Variants in CHN2 observed in about 807,000 individuals in gnomAD.
The protein encoded by CHN2 is chimerin 2, also known as beta-chimaerin.
CHN2 carries 35 observed loss-of-function variants against 56.3 expected under a neutral mutation model. The ratio of observed to expected loss-of-function variants is 0.62; its 90% confidence interval spans 0.47 to 0.82. The LOEUF (loss-of-function observed/expected upper bound fraction) is 0.82, where lower values mean the gene tolerates loss of function less well. CHN2 is among the 40% of genes least tolerant of loss of function. The probability of loss-of-function intolerance (pLI) is 0.00; values close to 1 mark genes in which losing one functional copy is unlikely to be tolerated. For missense variants in CHN2, 491 were observed against 580.5 expected (o/e 0.85, Z 1.58); for synonymous variants, 210 against 212.8 (o/e 0.99, Z 0.12).
At chr7:29,332,463 A>G (rs1410131540) in intron 1 of CHN2, among the ~76,000 whole-genome samples, 1 of 152,110 alleles carries the variant, frequency 6.6e-6, no homozygotes, top group East Asian at 1.9e-4. Context: ...TTCAGTAGGA[A>G]CCGTACTATG....
chr7:29,352,540 G>T (rs1018057164), intron 1 of CHN2, among the ~76,000 whole-genome samples: 30 of 152,022 alleles, frequency 2.0e-4, no homozygotes, highest in Admixed American at 2.0e-3. Context: ...TGGCCAACGC[G>T]GTGAAACTCC....
upstream of CHN2, among the ~76,000 whole-genome samples, chr7:29,190,459 G>A (rs1483914441): frequency 6.6e-6 from 1 of 152,196 alleles, no homozygotes; most frequent in Non-Finnish European, 1.5e-5. Context: ...TGCTATGACA[G>A]CCACGTTCAC....
chr7:29,215,982 T>C (rs910708939), intron 1 of CHN2, among the ~76,000 whole-genome samples: 5 of 152,116 alleles, frequency 3.3e-5, no homozygotes, highest in Non-Finnish European at 5.9e-5. Context: ...CCAGGTGGAG[T>C]TTGTAACTAC....
intron 1 of CHN2, among the ~76,000 whole-genome samples, chr7:29,204,356 T>C (rs888418353): frequency 1.6e-4 from 24 of 152,124 alleles, no homozygotes; most frequent in African/African-American, 5.6e-4. Flanking sequence ...AATAATTCAC[T>C]TGGGATTATG....
chr7:29,212,570 G>A (rs145558046), intron 1 of CHN2: 3 of 1,444,172 alleles, frequency 2.1e-6, no homozygotes, highest in African/African-American at 1.4e-5. Context: ...GGGAGACGAG[G>A]TCCCAGTCAA....
In CHN2 at chr7:29,273,339, A is replaced by ATG. The variant is rs1207073154; in HGVS notation, c.49+78353_49+78354dup. 9.0e-3 allele frequency among the ~76,000 whole-genome samples: 740 copies of ATG among 82,092 alleles called. 8 individuals are homozygous for ATG. Among genetic ancestry groups the ATG allele is most frequent in the African/African-American group, 0.027 (454 of 16,816 alleles). The allele number at this position is 82,092 out of a possible 152,430, so 53.9% of individuals were successfully genotyped here. On this transcript the variant is annotated intron_variant, in intron 1 of 12. Coordinates refer to ENST00000222792, the MANE Select transcript of CHN2 (RefSeq NM_004067.4). ...TATTCCATCATGCATATATATATAT[A>ATG]TGTGTATATATATATATATATATAT...
intron 2 of CHN2, among the ~76,000 whole-genome samples, chr7:29,171,188 G>C (rs1006990053): frequency 1.3e-5 from 2 of 152,082 alleles, no homozygotes; most frequent in African/African-American, 4.8e-5. Flanking sequence ...GCTTACATAC[G>C]CACTGCTCTT....
chr7:29,346,840 A>T (rs1797478022), intron 1 of CHN2, among the ~76,000 whole-genome samples: 1 of 151,970 alleles, frequency 6.6e-6, no homozygotes, highest in Non-Finnish European at 1.5e-5. Flanking sequence ...GTGTTCTTTA[A>T]TTTTTCTTCA....
intron 1 of CHN2, among the ~76,000 whole-genome samples, chr7:29,219,609 C>T (rs974666096): frequency 1.3e-5 from 2 of 151,688 alleles, no homozygotes; most frequent in African/African-American, 4.9e-5. Flanking sequence ...AGATACTTTA[C>T]TAAGTTTAAA....
intron 2 of CHN2, among the ~76,000 whole-genome samples, chr7:29,173,291 A>G (rs369743913): frequency 1.1e-4 from 17 of 152,292 alleles, no homozygotes; most frequent in South Asian, 2.1e-4. Flanking sequence ...CCCTGAATGC[A>G]TCTGCCAGGT....
intron 1 of CHN2, among the ~76,000 whole-genome samples, chr7:29,344,472 G>C (rs1797274339): frequency 6.6e-6 from 1 of 152,030 alleles, no homozygotes; most frequent in Non-Finnish European, 1.5e-5. Context: ...CACCCATCCA[G>C]ACACAACAGA....
intron 1 of CHN2, among the ~76,000 whole-genome samples, chr7:29,216,176 G>A (rs1223027970): frequency 6.6e-6 from 1 of 152,144 alleles, no homozygotes; most frequent in Non-Finnish European, 1.5e-5. Flanking sequence ...ACAATTAATA[G>A]CCTGGAAATT....
intron 2 of CHN2, chr7:29,148,746 A>G (rs1454013622): frequency 6.6e-6 from 1 of 152,202 alleles, no homozygotes; most frequent in Non-Finnish European, 1.5e-5. Flanking sequence ...GAAAAAAGAT[A>G]GTCTTCTTTA....
intron 1 of CHN2, among the ~76,000 whole-genome samples, chr7:29,291,704 T>G (rs550097565): frequency 1.3e-5 from 2 of 152,312 alleles, no homozygotes; most frequent in East Asian, 3.9e-4. Flanking sequence ...CAATGAACAT[T>G]CTTGTGGCTA....
intron 2 of CHN2, among the ~76,000 whole-genome samples, chr7:29,187,546 A>G (rs1410676079): frequency 6.6e-6 from 1 of 152,040 alleles, no homozygotes; most frequent in African/African-American, 2.4e-5. Flanking sequence ...CAACATGGAG[A>G]AACCCCGTCT....
rs558070135 is a variant in CHN2 at position 29,487,213 on chromosome 7, T to G, written c.654+6857T>G. ...TGGTTGGGGGCTTGTTTTGTTTTTT[T>G]TTTGTTTGTTTGTTTTGTTTTGTTT... On this transcript the variant is annotated intron_variant, in intron 7 of 12. Transcript: ENST00000222792. Among the ~76,000 whole-genome samples the G allele has an allele frequency of 3.6e-3, 539 of 151,700 alleles. 2 individuals carry two copies. The highest frequency in any genetic ancestry group is 0.012 in the African/African-American group (506 of 41,346).
intron 2 of CHN2, chr7:29,184,367 A>T (rs1435052436): frequency 3.9e-5 from 6 of 152,052 alleles, no homozygotes; most frequent in Admixed American, 3.9e-4. Context: ...GAGAAAATAT[A>T]TGACTGTATG....
intron 6 of CHN2, among the ~76,000 whole-genome samples, chr7:29,432,539 C>A (rs1418177008): frequency 6.6e-6 from 1 of 152,106 alleles, no homozygotes; most frequent in Admixed American, 6.5e-5. Context: ...ACTCAGGAAT[C>A]TATACTATAC....
At chr7:29,429,903 A>G (rs1357713183) in intron 6 of CHN2, among the ~76,000 whole-genome samples, 1 of 152,224 alleles carries the variant, frequency 6.6e-6, no homozygotes, top group African/African-American at 2.4e-5. Context: ...CTTCGTAGCT[A>G]TATCTTCGAT....
Sources: gnomAD v4.1 joint callset for allele counts (sites outside exome capture counted in the v4.1 genomes callset) on GRCh38, gnomAD v4.1.1 for gene constraint, MANE v1.5 for transcripts, NCBI Gene and HGNC (gene_info 2026-07-23, HGNC 2026-07-21) for gene names.